The following DNAH5 variants were observed in gnomAD, a reference collection of about 807,000 sequenced individuals.
DNAH5 encodes the protein axonemal beta dynein heavy chain 5.
In DNAH5, 372 loss-of-function variants were observed where a neutral mutation model predicts 518.2. The ratio of observed to expected loss-of-function variants is 0.72; its 90% CI spans 0.66 to 0.78. The LOEUF (loss-of-function observed/expected upper bound fraction) is 0.78, where lower values mean the gene tolerates loss of function less well. Ranked by LOEUF, DNAH5 falls within the 30% of genes least tolerant of loss-of-function variation. The probability of loss-of-function intolerance (pLI) is 0.00; values close to 1 mark genes in which losing one functional copy is unlikely to be tolerated. For missense variants in DNAH5, 5,523 were observed against 5,687.0 expected (o/e 0.97, Z 0.93); for synonymous variants, 2,039 against 2,025.9 (o/e 1.01, Z -0.17).
intron 61 of DNAH5, among the ~76,000 whole-genome samples, chr5:13,758,492 C>CTAAATAAA (rs559774091): frequency 6.6e-6 from 1 of 151,916 alleles, no homozygotes; most frequent in African/African-American, 2.4e-5. Context: ...AATACTTTGT[C>CTAAATAAA]TAAATAAATA....
rs753517173 is a variant in DNAH5 at position 13,814,650 on chromosome 5, C to T, written c.7185G>A (p.Met2395Ile). 6.2e-7 allele frequency: 1 copy of T among 1,613,798 alleles called. No homozygotes were observed. Among genetic ancestry groups the T allele is most frequent in the South Asian group, 1.1e-5 (1 of 91,060 alleles). ...ASPATVSRNG[M>I]VFMSSSILDW... The stretch of plus-strand genomic sequence containing the variant: ...CAAGGATAGAAGAGCTCATGAAAAC[C>T]ATTCCATTTCTTGAGACGGTGGCAG... The change falls in exon 43 of 79, where the codon ATG becomes ATA. Residue 2395 changes from methionine (M) to isoleucine (I), a missense_variant. Physicochemically the swap from Met to Ile is conservative, Grantham distance 10. Transcript: ENST00000265104.
At chr5:13,732,453 G>A (rs890609754) in intron 68 of DNAH5, among the ~76,000 whole-genome samples, 5 of 152,032 alleles carry the variant, frequency 3.3e-5, no homozygotes, top group African/African-American at 7.2e-5. Context: ...TGCAACCTCC[G>A]CCTCCCAGGT....
chr5:13,981,668 G>A (rs79627352), intron 1 of DNAH5, among the ~76,000 whole-genome samples: 16,789 of 152,246 alleles, frequency 0.11, 1,001 homozygotes, highest in East Asian at 0.17. Flanking sequence ...CATCCAGATG[G>A]TGGGGATGTC....
rs758680247 is a variant in DNAH5 at position 13,919,263 on chromosome 5, C to T, written c.888G>A (p.Lys296=). 30 of 1,614,024 alleles carry T rather than the reference C, an allele frequency of 1.9e-5. No homozygotes were observed. In the East Asian group the frequency reaches 6.2e-4, roughly 34 times the overall value. ...TCAATTGTTCCAAAAGGTAGTTAAA[C>T]TTGGAGAGTCTTTTTTTCCAGTGCT... ...ELEHWKKRLS[K]FNYLLEQLKS... The change falls in exon 7 of 79, where the codon AAG becomes AAA. Residue 296 remains lysine, a synonymous_variant. Coordinates refer to ENST00000265104, the MANE Select transcript of DNAH5 (RefSeq NM_001369.3).
At position 13,842,481 on chromosome 5, in the gene DNAH5, AAG is replaced by A. The variant is rs199616844; in HGVS notation, c.5272-579_5272-578del. On this transcript the variant is annotated intron_variant, in intron 32 of 78. Coordinates refer to ENST00000265104, the MANE Select transcript of DNAH5 (RefSeq NM_001369.3). ...AAAGAAAGAAAGAAAGAAAGAAAGAAAGAGAAAGAAAAGAAAGAAAGAAAGAA... is the reference window on the plus strand; with the variant it reads ...AAAGAAAGAAAGAAAGAAAGAAAGAAAGAAAGAAAAGAAAGAAAGAAAGAA... 2.5e-3 allele frequency among the ~76,000 whole-genome samples: 137 copies of A among 53,780 alleles called. 11 individuals carry two copies. The highest frequency in any genetic ancestry group is 9.0e-3 in the East Asian group (7 of 782). 35.3% of individuals were successfully genotyped at this position (53,780 alleles called of 152,430 possible). A position where few individuals can be genotyped will look rare whatever the true frequency, so the allele number is the denominator to read the frequency against.
In DNAH5 at chr5:13,729,454, T is replaced by C. The variant is rs771170997; in HGVS notation, c.11868A>G (p.Ser3956=). 3 of 1,614,026 alleles carry C rather than the reference T, an allele frequency of 1.9e-6. No homozygotes were observed. Among genetic ancestry groups the C allele is most frequent in the Non-Finnish European group, 2.5e-6 (3 of 1,179,906 alleles). The change falls in exon 69 of 79, where the codon TCA becomes TCG. Residue 3956 remains serine (S), a synonymous_variant. Transcript: ENST00000265104. The part of the protein sequence containing the change: ...LVELSKLRQF[S]DVLDQISRNE... The stretch of plus-strand genomic sequence containing the variant: ...GCACAGTTACCTGGTCAAGGACATC[T>C]GAAAACTGTCTGAGTTTGCTAAGTT...
chr5:13,973,381 C>T (rs1257677537), intron 1 of DNAH5, among the ~76,000 whole-genome samples: 1 of 152,208 alleles, frequency 6.6e-6, no homozygotes, highest in Non-Finnish European at 1.5e-5. Context: ...CACCAAGTTT[C>T]TTACAGTAAG....
At chr5:13,791,103 T>A (rs1048730007) in intron 50 of DNAH5, among the ~76,000 whole-genome samples, 8 of 151,236 alleles carry the variant, frequency 5.3e-5, no homozygotes, top group African/African-American at 1.9e-4. Context: ...AAATAATTTT[T>A]TAAAAAAAAA....
At chr5:13,921,840 G>A (rs935037435) in intron 5 of DNAH5, among the ~76,000 whole-genome samples, 84 of 150,330 alleles carry the variant, frequency 5.6e-4, no homozygotes, top group African/African-American at 1.9e-3. Flanking sequence ...TCTTGCCTTT[G>A]GAGTCACTCA....
Position 13,787,022 on chromosome 5 carries a change from C to G in DNAH5, c.8648-671G>C, listed in dbSNP as rs373748593. 3.0e-4 allele frequency among the ~76,000 whole-genome samples: 46 copies of G among 152,176 alleles called. 1 individual carries two copies. The highest frequency in any genetic ancestry group is 9.9e-4 in the African/African-American group (41 of 41,516). ...ATCACTTGAGGTCAGGAGTTCAAGA[C>G]CAGCCTGACCAACATGGTGAAACCC... On this transcript the variant is annotated intron_variant, in intron 51 of 78. Coordinates refer to ENST00000265104, the MANE Select transcript of DNAH5 (RefSeq NM_001369.3).
At chr5:13,794,817 A>T (rs1190339066) in intron 47 of DNAH5, among the ~76,000 whole-genome samples, 1 of 152,114 alleles carries the variant, frequency 6.6e-6, no homozygotes. Flanking sequence ...TACAAAAAAA[A>T]TTAGCCGGGT....
Position 13,777,339 on chromosome 5 carries a change from T to G in DNAH5, c.8968A>C (p.Asn2990His). Reference sequence around the variant, plus strand: ...AAAACCTTCAGATCTTCCATCAGATTTGATGTGTTGTAGGATCTAAAGAAA... The same window carrying G: ...AAAACCTTCAGATCTTCCATCAGATGTGATGTGTTGTAGGATCTAAAGAAA... ...ITLTRSYNTS[N>H]LMEDLKVLYR... The change falls in exon 54 of 79, where the codon AAT becomes CAT. Residue 2990 changes from asparagine to histidine, a missense_variant. Asn to His is a moderately conservative substitution (Grantham distance 68). Coordinates refer to ENST00000265104, the MANE Select transcript of DNAH5 (RefSeq NM_001369.3). 1 of 1,613,250 alleles carries G rather than the reference T, an allele frequency of 6.2e-7. No homozygotes were observed. The highest frequency in any genetic ancestry group is 8.5e-7 in the Non-Finnish European group (1 of 1,179,494).
At chr5:13,778,588 A>AGAGAG (rs1561234576) in intron 53 of DNAH5, among the ~76,000 whole-genome samples, 32 of 73,398 alleles carry the variant, frequency 4.4e-4, no homozygotes, top group African/African-American at 1.8e-3. Flanking sequence ...GAAAGAAAGA[A>AGAGAG]AGAAAGAAAG....
In DNAH5 at chr5:13,814,694, T is replaced by C; in HGVS notation, c.7141A>G (p.Asn2381Asp). 3.1e-6 allele frequency: 5 copies of C among 1,614,114 alleles called. No homozygotes were observed. Among genetic ancestry groups the C allele is most frequent in the Non-Finnish European group, 4.2e-6 (5 of 1,179,988 alleles). The change falls in exon 43 of 79, where the codon AAC (asparagine) becomes GAC (aspartate). Residue 2381 changes from asparagine (N) to aspartate (D), a missense_variant. By Grantham distance (23) the Asn-to-Asp change is conservative. Transcript: ENST00000265104. ...PNCKIIFEPH[N>D]IDNASPATVS... Reference sequence around the variant, plus strand: ...GTGGCAGGAGAAGCATTGTCAATGTTATGAGGCTCGAAAATGATCTTGCAG... The same window carrying C: ...GTGGCAGGAGAAGCATTGTCAATGTCATGAGGCTCGAAAATGATCTTGCAG...
intron 58 of DNAH5, among the ~76,000 whole-genome samples, chr5:13,767,203 C>T (rs1200830088): frequency 6.6e-6 from 1 of 152,186 alleles, no homozygotes; most frequent in African/African-American, 2.4e-5. Context: ...CAGCTCACTG[C>T]AACCTCCCCC....
intron 1 of DNAH5, among the ~76,000 whole-genome samples, chr5:13,971,166 A>G (rs964671120): frequency 6.6e-6 from 1 of 151,936 alleles, no homozygotes; most frequent in Non-Finnish European, 1.5e-5. Context: ...ATTTCTCTGG[A>G]AATTTTTATC....
chr5:13,765,977 T>C lies in DNAH5; in HGVS notation c.10100A>G (p.Gln3367Arg), dbSNP rs1314746365. Residue 3367 changes from glutamine to arginine, a missense_variant and splice_region_variant, in exon 59 of 79, where the codon CAG (glutamine) becomes CGG (arginine). This residue lies in a region of DNAH5 where 5,121 missense variants were observed against 5,223.3 expected (regional missense o/e 0.98). Transcript: ENST00000265104. ...GCCCATCACCACTGAACTACCAACC[T>C]GTAAGTTCTGTAAAAAGTTCCCTGC... Reference protein sequence around the residue: ...MTAGNFLQNLQQFPKDTINEE... With the variant: ...MTAGNFLQNLRQFPKDTINEE... The C allele has an allele frequency of 1.2e-5, 19 of 1,614,134 alleles. No homozygotes were observed. The highest frequency in any genetic ancestry group is 1.6e-5 in the Non-Finnish European group (19 of 1,179,964).
intron 40 of DNAH5, among the ~76,000 whole-genome samples, chr5:13,822,192 T>C (rs1323164871): frequency 2.0e-5 from 3 of 152,124 alleles, no homozygotes; most frequent in African/African-American, 7.2e-5. Flanking sequence ...ATATACTAAA[T>C]TTTTAAAGCA....
rs1200898871 is a variant in DNAH5, at chr5:13,855,295, G to A, written c.4950+4157C>T. 8.5e-3 allele frequency among the ~76,000 whole-genome samples: 399 copies of A among 46,996 alleles called. 70 individuals carry two copies. The highest frequency in any genetic ancestry group is 0.025 in the African/African-American group (364 of 14,310). The allele number at this position is 46,996 out of a possible 152,430, so 30.8% of individuals were successfully genotyped here. On this transcript the variant is annotated intron_variant, in intron 30 of 78. Coordinates refer to ENST00000265104, the MANE Select transcript of DNAH5 (RefSeq NM_001369.3). The stretch of plus-strand genomic sequence containing the variant: ...GGGATCTCGGCTCACTGCAAGCTCC[G>A]CCTCCCGGGTTCACGCCATTCTCCT...
Sources: gnomAD v4.1 joint callset for allele counts (sites outside exome capture counted in the v4.1 genomes callset) on GRCh38, gnomAD v4.1.1 for gene constraint, gnomAD v4.1.1 regional missense constraint, MANE v1.5 for transcripts, NCBI Gene and HGNC (gene_info 2026-07-23, HGNC 2026-07-21) for gene names.